Variants in PLAAT2 observed in about 807,000 individuals in gnomAD.
The protein encoded by PLAAT2 is phospholipase A and acyltransferase 2.
A neutral mutation model predicts 12.8 loss-of-function variants in PLAAT2; 12 were observed. The observed-to-expected ratio is 0.94, with a 90% confidence interval of 0.60 to 1.52. The LOEUF (loss-of-function observed/expected upper bound fraction) is 1.52, where lower values mean the gene tolerates loss of function less well. Among genes scored for constraint, PLAAT2 ranks in the 40% most tolerant of loss-of-function variants. PLAAT2 has a pLI of 0.00. For synonymous variants in PLAAT2, 79 were observed against 86.8 expected (o/e 0.91, Z 0.50); for missense variants, 166 against 208.1 (o/e 0.80, Z 1.24).
intron 1 of PLAAT2, among the ~76,000 whole-genome samples, chr11:63,562,170 C>T (rs906557141): frequency 6.6e-6 from 1 of 152,210 alleles, no homozygotes; most frequent in Non-Finnish European, 1.5e-5. Flanking sequence ...CCAGGTTGTA[C>T]AGAGGGGAAA....
upstream of PLAAT2, among the ~76,000 whole-genome samples, chr11:63,564,631 T>C (rs2017547649): frequency 6.6e-6 from 1 of 152,152 alleles, no homozygotes; most frequent in Non-Finnish European, 1.5e-5. Flanking sequence ...TCCACTCCAT[T>C]CTCCTCTGAG....
chr11:63,561,381 C>T (rs114822072), intron 1 of PLAAT2, among the ~76,000 whole-genome samples: 90 of 152,198 alleles, frequency 5.9e-4, no homozygotes, highest in African/African-American at 2.0e-3. Context: ...TGGTGGCTCA[C>T]GCCTATAATC....
chr11:63,558,961 G>A (rs959551946), intron 2 of PLAAT2, among the ~76,000 whole-genome samples: 1 of 152,176 alleles, frequency 6.6e-6, no homozygotes, highest in South Asian at 2.1e-4. Context: ...AAAGAGAGGA[G>A]GCAGAAGAGC....
chr11:63,563,721 A>AAG (rs1555040289), upstream of PLAAT2, among the ~76,000 whole-genome samples: 1 of 151,382 alleles, frequency 6.6e-6, no homozygotes, highest in African/African-American at 2.4e-5. Flanking sequence ...CAGTCAAAAA[A>AAG]AAAAAAAAAA....
rs770526955 is a variant in PLAAT2, at chr11:63,558,600, A to G, written c.179T>C (p.Val60Ala). ...VLSALTNKAI[V>A]KKELLSVVAG... ...CACCACAGACAGCAGTTCCTTCTTC[A>G]CTATGGCTTTGTTGGTCAGGGCAGA... The change falls in exon 3 of 4, where the codon GTG becomes GCG. Residue 60 changes from valine to alanine, a missense_variant. Physicochemically the swap from Val to Ala is moderately conservative, Grantham distance 64. Transcript: ENST00000255695. 1 of 1,614,230 alleles carries G rather than the reference A, an allele frequency of 6.2e-7. No homozygotes were observed. The highest frequency in any genetic ancestry group is 8.5e-7 in the Non-Finnish European group (1 of 1,180,048).
rs553597198 is a variant in PLAAT2, at chr11:63,559,993, C to T, written c.118+92G>A. 79 of 834,388 alleles carry T rather than the reference C, an allele frequency of 9.5e-5. No individual in the cohort carries two copies. In the African/African-American group the frequency reaches 1.2e-3, roughly 12 times the overall value. 51.7% of individuals were successfully genotyped at this position (834,388 alleles called of 1,614,324 possible). On this transcript the variant is annotated intron_variant, in intron 2 of 3. Coordinates refer to ENST00000255695, the MANE Select transcript of PLAAT2 (RefSeq NM_017878.2). The stretch of plus-strand genomic sequence containing the variant: ...CATTATGTATTGAGTGCCTACTCTG[C>T]TAGACCCTGAAGTGAGGACAAGCAC...
In PLAAT2 at chr11:63,552,998, AT is replaced by A. The variant is rs1198222845; in HGVS notation, c.454del (p.Ile152SerfsTer46). ...GLLAAASLVGILLARSKRERQ is the reference protein window; with the variant it reads ...GLLAAASLVGXLLARSKRERQ ...TTCCCGCTTGCTTCTGGCCAGCAGG[AT>A]CCCCACAAGGCTTGCGGCAGCCAGC... is the stretch of plus-strand genomic sequence containing the variant. On this transcript the variant is annotated frameshift_variant, in exon 4 of 4. Transcript: ENST00000255695. LOFTEE classifies it low-confidence loss of function (END_TRUNC). 1.2e-6 allele frequency: 2 copies of A among 1,613,894 alleles called. No individual in the cohort carries two copies. The highest frequency in any genetic ancestry group is 2.7e-5 in the African/African-American group (2 of 74,902).
chr11:63,557,717 A>G (rs1178172551), intron 3 of PLAAT2, among the ~76,000 whole-genome samples: 1 of 152,168 alleles, frequency 6.6e-6, no homozygotes, highest in Non-Finnish European at 1.5e-5. Context: ...CAGCAGGGTA[A>G]TAAGACAGAG....
Position 63,553,062 on chromosome 11 carries a change from T to G in PLAAT2, c.391A>C (p.Thr131Pro). 1 of 1,609,830 alleles carries G rather than the reference T, an allele frequency of 6.2e-7. No homozygotes were observed. The highest frequency in any genetic ancestry group is 1.7e-5 in the Admixed American group (1 of 59,884). ...RYGVSRSDQV[T>P]GAVTTVGVAA... ...ACACCTACTGTCGTGACTGCACCAG[T>G]GACCTGCAGCAGAAGAGAAGGGAGA... The change falls in exon 4 of 4, where the codon ACT becomes CCT. Residue 131 changes from threonine to proline, a missense_variant. By Grantham distance (38) the Thr-to-Pro change is conservative (BLOSUM62 -1). Transcript: ENST00000255695.
chr11:63,563,969 G>A (rs2017542524), upstream of PLAAT2, among the ~76,000 whole-genome samples: 1 of 152,144 alleles, frequency 6.6e-6, no homozygotes, highest in African/African-American at 2.4e-5. Flanking sequence ...GGAGGATATA[G>A]AGACAGAGAC....
chr11:63,563,407 C>G (rs2017536060), upstream of PLAAT2: 2 of 1,568,076 alleles, frequency 1.3e-6, no homozygotes, highest in Non-Finnish European at 1.8e-6. Context: ...TCCCTGTGAC[C>G]CAGCCCATAT....
rs751193007 is a variant in PLAAT2, at chr11:63,558,692, G to A, written c.119-32C>T. 8.7e-6 allele frequency: 14 copies of A among 1,608,012 alleles called. No homozygotes were observed. In the South Asian group the frequency reaches 1.5e-4, roughly 18 times the overall value. On this transcript the variant is annotated intron_variant, in intron 2 of 3. Transcript: ENST00000255695. ...AAACAGTGAGTTCAGTCCTGGGCAG[G>A]GCCTGGGGGGCTCAGAGCTGGAAGC...
chr11:63,557,285 G>T (rs1231340840), intron 3 of PLAAT2, among the ~76,000 whole-genome samples: 3 of 152,080 alleles, frequency 2.0e-5, no homozygotes, highest in Non-Finnish European at 4.4e-5. Flanking sequence ...TAATCCCAAG[G>T]GAGGCCGAGT....
intron 3 of PLAAT2, among the ~76,000 whole-genome samples, chr11:63,554,716 G>A (rs747411964): frequency 6.6e-6 from 1 of 152,020 alleles, no homozygotes; most frequent in Non-Finnish European, 1.5e-5. Context: ...TTCCCAACAG[G>A]GGCACTTAAG....
At chr11:63,564,156 C>G (rs1235133784), upstream of PLAAT2, among the ~76,000 whole-genome samples, 1 of 152,146 alleles carries the variant, frequency 6.6e-6, no homozygotes, top group Non-Finnish European at 1.5e-5. Flanking sequence ...ACAGAGTGAG[C>G]CTGCTTGGAC....
intron 3 of PLAAT2, among the ~76,000 whole-genome samples, chr11:63,555,219 T>C (rs1431467533): frequency 1.3e-5 from 2 of 152,192 alleles, no homozygotes. Context: ...TCTCAGGTCC[T>C]TGAGGAAGGC....
Position 63,558,417 on chromosome 11 carries a change from C to T in PLAAT2, c.362G>A (p.Arg121His), listed in dbSNP as rs1222981801. 3.1e-6 allele frequency: 5 copies of T among 1,614,068 alleles called. No homozygotes were observed. Among genetic ancestry groups the T allele is most frequent in the East Asian group, 2.2e-5 (1 of 44,890 alleles). The change falls in exon 3 of 4, where the codon CGC becomes CAC. Residue 121 changes from arginine to histidine, a missense_variant. Transcript: ENST00000255695. ...DNCEHFVNHLRYGVSRSDQVT... is the reference protein window; with the variant it reads ...DNCEHFVNHLHYGVSRSDQVT... ...CTGGTCACTGCGGGAGACGCCATAG[C>T]GCAGATGGTTCACGAAGTGCTCGCA...
rs577850900 is a variant in PLAAT2 at position 63,558,732 on chromosome 11, G to A, written c.119-72C>T. 20 of 1,550,534 alleles carry A rather than the reference G, an allele frequency of 1.3e-5. No individual in the cohort carries two copies. In the East Asian group the frequency reaches 1.8e-4, roughly 14 times the overall value. ...GAGCTGGAAGCCAAGCAGCCTCATC[G>A]CCCCGAGCACCATCAAGGAGGAGCA... is the stretch of plus-strand genomic sequence containing the variant. On this transcript the variant is annotated intron_variant, in intron 2 of 3. Coordinates refer to ENST00000255695, the MANE Select transcript of PLAAT2 (RefSeq NM_017878.2).
upstream of PLAAT2, among the ~76,000 whole-genome samples, chr11:63,563,715 C>CAAAAAAA (rs35852892): frequency 1.4e-4 from 8 of 56,078 alleles, no homozygotes; most frequent in East Asian, 5.0e-4. Context: ...GAGACTCAGT[C>CAAAAAAA]AAAAAAAAAA....
Sources: allele counts gnomAD v4.1 joint callset (sites outside exome capture counted in the v4.1 genomes callset), GRCh38; gene constraint gnomAD v4.1.1; transcripts MANE v1.5; gene names NCBI Gene and HGNC (gene_info 2026-07-23, HGNC 2026-07-21).